RPS14: variants seen among roughly 807,000 people sequenced by gnomAD.
RPS14 encodes ribosomal protein S14, also known as small ribosomal subunit protein uS11.
Under a neutral mutation model 15.4 loss-of-function variants are expected in RPS14, and 1 was observed. The ratio of observed to expected loss-of-function variants is 0.07; its 90% CI spans 0.02 to 0.31. The LOEUF (loss-of-function observed/expected upper bound fraction) is 0.31, where lower values mean the gene tolerates loss of function less well. Among genes scored for constraint, RPS14 ranks in the 10% least tolerant of loss-of-function variants. RPS14 has a pLI of 1.00. For missense variants in RPS14, 69 were observed against 205.5 expected, an observed-to-expected ratio of 0.34 and a Z score of 4.06; for synonymous variants, 68 against 74.4, an observed-to-expected ratio of 0.91 and a Z score of 0.44.
chr5:150,447,952 G>A, intron 1 of RPS14: 1 of 527,066 alleles, frequency 1.9e-6, no homozygotes, highest in Non-Finnish European at 3.4e-6. Context: ...ACCATGAGAA[G>A]TATCCTTTCC....
intron 4 of RPS14, 32 bp from the exon 5 acceptor site, chr5:150,444,385 G>A: frequency 1.3e-6 from 2 of 1,592,800 alleles, no homozygotes; most frequent in South Asian, 2.2e-5. Flanking sequence ...GTCATTGCCT[G>A]GAGCTGGATG....
intron 1 of RPS14, chr5:150,448,541 T>C (rs1019828392): frequency 1.3e-5 from 2 of 152,232 alleles, no homozygotes; most frequent in East Asian, 1.9e-4. Flanking sequence ...CCCCAGGCCT[T>C]CTGAACCTCC....
rs756769138 is a variant in RPS14, at chr5:150,447,600, G to C, written c.134C>G (p.Thr45Ser). 1.2e-6 allele frequency: 2 copies of C among 1,613,012 alleles called. No homozygotes were observed. The highest frequency in any genetic ancestry group is 2.7e-5 in the African/African-American group (2 of 74,904). Reference sequence around the variant, plus strand: ...AGGTACTCACTTGCCAGAAAGATCAGTGACATGGACAAAAGTGTCATTGAA... The same window carrying C: ...AGGTACTCACTTGCCAGAAAGATCACTGACATGGACAAAAGTGTCATTGAA... ...ASFNDTFVHV[T>S]DLSGKETICR... is the part of the protein sequence containing the mutation. The change falls in exon 2 of 5, where the codon ACT (threonine) becomes AGT (serine). Residue 45 changes from threonine (T) to serine (S), a missense_variant. Coordinates refer to ENST00000407193, the MANE Select transcript of RPS14 (RefSeq NM_005617.4).
At position 150,444,276 on chromosome 5, in the gene RPS14, G is replaced by A; in HGVS notation, c.*10C>T. 1 of 1,606,716 alleles carries A rather than the reference G, an allele frequency of 6.2e-7. No individual in the cohort carries two copies. The highest frequency in any genetic ancestry group is 1.3e-5 in the African/African-American group (1 of 74,882). On this transcript the variant is annotated 3_prime_UTR_variant, in exon 5 of 5. Transcript: ENST00000407193. The stretch of plus-strand genomic sequence containing the variant: ...AATTTATTAACAGAAAATATTTTGA[G>A]GAATCTTGTTCACAGACGGCGACCA...
intron 2 of RPS14, 82 bp from the exon 3 acceptor site, chr5:150,447,045 G>C (rs1359175680): frequency 1.3e-6 from 2 of 1,512,966 alleles, no homozygotes; most frequent in Non-Finnish European, 1.8e-6. Context: ...GAGCAACACA[G>C]CTCAGTCATG....
Position 150,444,008 on chromosome 5 carries a change from G to C in RPS14, c.*278C>G, listed in dbSNP as rs1005438319. 3.6e-5 allele frequency: 9 copies of C among 249,856 alleles called. No homozygotes were observed. Among genetic ancestry groups the C allele is most frequent in the Non-Finnish European group, 7.0e-5 (9 of 128,822 alleles). 15.5% of individuals were successfully genotyped at this position (249,856 alleles called of 1,614,324 possible). On this transcript the variant is annotated 3_prime_UTR_variant, in exon 5 of 5. Coordinates refer to ENST00000407193, the MANE Select transcript of RPS14 (RefSeq NM_005617.4). ...TTCCCACTCTGGCTCTTTAAGAATTGGTCCATATTTAGAACCAGCATCTCC... is the reference window on the plus strand; with the variant it reads ...TTCCCACTCTGGCTCTTTAAGAATTCGTCCATATTTAGAACCAGCATCTCC...
chr5:150,447,845 C>T (rs1311397905), intron 1 of RPS14, 110 bp from the exon 2 acceptor site: 10 of 1,154,984 alleles, frequency 8.7e-6, no homozygotes, highest in Non-Finnish European at 1.3e-5. Context: ...CTGTCTTCTT[C>T]CATCCAATAC....
chr5:150,447,933 T>G, intron 1 of RPS14, 198 bp from the exon 2 acceptor site: 1 of 566,986 alleles, frequency 1.8e-6, no homozygotes, highest in East Asian at 2.9e-5. Context: ...TGTGGCCACA[T>G]GGCAAAGTAC....
In RPS14 at chr5:150,443,426, A is replaced by C. The variant is rs1770998401; in HGVS notation, c.*860T>G. The stretch of plus-strand genomic sequence containing the variant: ...CATCACAGTAACCCCTTGTCTCAGG[A>C]CCCATTTATTTGCTTATTCCCTCTG... On this transcript the variant is annotated 3_prime_UTR_variant, in exon 5 of 5. Coordinates refer to ENST00000407193, the MANE Select transcript of RPS14 (RefSeq NM_005617.4). The C allele has an allele frequency of 6.6e-6, 1 of 152,192 alleles. No homozygotes were observed. Among genetic ancestry groups the C allele is most frequent in the South Asian group, 2.1e-4 (1 of 4,820 alleles). The allele number at this position is 152,192 out of a possible 1,614,324, so 9.4% of individuals were successfully genotyped here.
chr5:150,444,303 G>A lies in RPS14; in HGVS notation c.439C>T (p.Arg147Cys). ...SDSTRRKGGR[R>C]GRRL ...AATCTTGTTCACAGACGGCGACCACGGCGACCCCCCTTCCTGCGAGTGCTG... is the reference window on the plus strand; with the variant it reads ...AATCTTGTTCACAGACGGCGACCACAGCGACCCCCCTTCCTGCGAGTGCTG... Residue 147 changes from arginine to cysteine, a missense_variant, in exon 5 of 5, where the codon CGT (arginine) becomes TGT (cysteine). By Grantham distance (180) the Arg-to-Cys change is radical. Coordinates refer to ENST00000407193, the MANE Select transcript of RPS14 (RefSeq NM_005617.4). The A allele has an allele frequency of 6.2e-7, 1 of 1,610,460 alleles. No homozygotes were observed. Among genetic ancestry groups the A allele is most frequent in the Non-Finnish European group, 8.5e-7 (1 of 1,177,748 alleles).
intron 1 of RPS14, 26 bp from the exon 2 acceptor site, chr5:150,447,761 G>C: frequency 1.2e-6 from 2 of 1,608,016 alleles, no homozygotes; most frequent in East Asian, 2.2e-5. Flanking sequence ...AGAAACTCAA[G>C]GTTAACAGAC....
chr5:150,446,661 G>A lies in RPS14; in HGVS notation c.311+141C>T, dbSNP rs1460443092. ...ACTGAGCTGCTGGGGGGTGTACACA[G>A]GAGCCAATTATTAAGTATGTATATG... is the stretch of plus-strand genomic sequence containing the variant. On this transcript the variant is annotated intron_variant, in intron 3 of 4. Transcript: ENST00000407193. This position sits in a 1 kb window ranked among gnomAD's most constrained non-coding sequence, Gnocchi z 4.2. 1 of 834,398 alleles carries A rather than the reference G, an allele frequency of 1.2e-6. No individual in the cohort carries two copies. The highest frequency in any genetic ancestry group is 1.9e-6 in the Non-Finnish European group (1 of 530,114). The allele number at this position is 834,398 out of a possible 1,614,324, so 51.7% of individuals were successfully genotyped here. A position where few individuals can be genotyped will look rare whatever the true frequency, so the allele number is the denominator to read the frequency against.
chr5:150,449,533 C>G (rs1290155257), intron 1 of RPS14, 170 bp downstream of exon 1: 2 of 152,272 alleles, frequency 1.3e-5, no homozygotes, highest in African/African-American at 4.8e-5. Context: ...CCTTCTGAGA[C>G]CAGGAACGAA....
rs769685067 is a variant in RPS14 at position 150,443,089 on chromosome 5, C to T, written c.*1197G>A. ...CACAATGGGCATTTAGTTTTCACGC[C>T]TCCTTAATCTCCTGTCCTTGACTTT... On this transcript the variant is annotated 3_prime_UTR_variant, in exon 5 of 5. Transcript: ENST00000407193. 6.6e-6 allele frequency: 1 copy of T among 152,136 alleles called. No homozygotes were observed. Among genetic ancestry groups the T allele is most frequent in the Non-Finnish European group, 1.5e-5 (1 of 68,030 alleles). The allele number at this position is 152,136 out of a possible 1,614,324, so 9.4% of individuals were successfully genotyped here. A position where few individuals can be genotyped will look rare whatever the true frequency, so the allele number is the denominator to read the frequency against.
intron 4 of RPS14, among the ~76,000 whole-genome samples, chr5:150,445,090 G>A (rs1382669364): frequency 2.0e-5 from 3 of 152,116 alleles, no homozygotes; most frequent in East Asian, 1.9e-4. Context: ...AGTGTATGTC[G>A]CTACTAACTG....
intron 2 of RPS14, chr5:150,447,318 T>A (rs1771130628): frequency 1.8e-6 from 1 of 548,788 alleles, no homozygotes; most frequent in Non-Finnish European, 3.2e-6. Flanking sequence ...AGTCCACTGC[T>A]GCTCCTGCAA....
chr5:150,449,349 GAA>G (rs952608310), intron 1 of RPS14: 1 of 152,246 alleles, frequency 6.6e-6, no homozygotes, highest in African/African-American at 2.4e-5. Flanking sequence ...CGATCACCAA[GAA>G]AAAAGTTTGG....
At chr5:150,444,597 G>C (rs1300020346) in intron 4 of RPS14, 3 of 666,706 alleles carry the variant, frequency 4.5e-6, no homozygotes, top group Non-Finnish European at 8.3e-6. Context: ...AGATGTCAGA[G>C]GCACAGGACA....
rs1022013234 is a variant in RPS14 at position 150,443,365 on chromosome 5, T to A, written c.*921A>T. ...TTAAGATTCAATGTTGTTATTAAAA[T>A]CCCTAGCAAGGTTTGGCATGTAACC... On this transcript the variant is annotated 3_prime_UTR_variant, in exon 5 of 5. Transcript: ENST00000407193. 6 of 152,112 alleles carry A rather than the reference T, an allele frequency of 3.9e-5. No homozygotes were observed. Among genetic ancestry groups the A allele is most frequent in the Admixed American group, 2.0e-4 (3 of 15,268 alleles). The allele number at this position is 152,112 out of a possible 1,614,324, so 9.4% of individuals were successfully genotyped here.
Sources: allele counts gnomAD v4.1 joint callset (sites outside exome capture counted in the v4.1 genomes callset), GRCh38; gene constraint gnomAD v4.1.1; non-coding constraint Gnocchi (gnomAD v3.1); transcripts MANE v1.5; gene names NCBI Gene and HGNC (gene_info 2026-07-23, HGNC 2026-07-21).